The following DOCK10 variants were observed in gnomAD, a reference collection of about 807,000 sequenced individuals.
The protein encoded by DOCK10 is dedicator of cytokinesis protein 10.
DOCK10 carries 145 observed loss-of-function variants against 280.1 expected under a neutral mutation model. The ratio of observed to expected loss-of-function variants is 0.52; its 90% CI spans 0.45 to 0.59. The LOEUF is 0.59. Among genes scored for constraint, DOCK10 ranks in the 20% least tolerant of loss-of-function variants. The pLI is 0.00. For synonymous variants in DOCK10, 915 were observed against 942.2 expected, an observed-to-expected ratio of 0.97 and a Z score of 0.53; for missense variants, 2,368 against 2,651.7, an observed-to-expected ratio of 0.89 and a Z score of 2.35.
intron 1 of DOCK10, among the ~76,000 whole-genome samples, chr2:225,037,269 A>C (rs1245066557): frequency 6.6e-6 from 1 of 152,178 alleles, no homozygotes; most frequent in Non-Finnish European, 1.5e-5. Context: ...TTGAAATTCC[A>C]GTTGCCTTGG....
At chr2:224,968,825 T>C (rs1277940930) in intron 1 of DOCK10, among the ~76,000 whole-genome samples, 2 of 152,242 alleles carry the variant, frequency 1.3e-5, no homozygotes, top group Non-Finnish European at 2.9e-5. Flanking sequence ...AGTGCATCTA[T>C]GGATATGAAT....
intron 11 of DOCK10, among the ~76,000 whole-genome samples, chr2:224,866,337 G>A (rs1332507189): frequency 6.6e-6 from 1 of 152,168 alleles, no homozygotes; most frequent in African/African-American, 2.4e-5. Flanking sequence ...TTCAGGTCAT[G>A]CTTTTATGGC....
intron 44 of DOCK10, 140 bp downstream of exon 44, chr2:224,796,176 G>T: frequency 1.6e-6 from 1 of 615,334 alleles, no homozygotes; most frequent in South Asian, 2.0e-5. Context: ...CGATCCTCCT[G>T]CCTTGGCTTC....
intron 1 of DOCK10, among the ~76,000 whole-genome samples, chr2:224,944,833 C>T (rs577560072): frequency 4.6e-5 from 7 of 152,338 alleles, no homozygotes; most frequent in Admixed American, 3.9e-4. Flanking sequence ...AACTGTAGCA[C>T]GGACATCCCC....
intron 1 of DOCK10, among the ~76,000 whole-genome samples, chr2:224,962,327 G>A (rs1052965384): frequency 1.3e-5 from 2 of 152,190 alleles, no homozygotes; most frequent in African/African-American, 4.8e-5. Context: ...GCACAATAGA[G>A]TGAGGCATGA....
intron 50 of DOCK10, among the ~76,000 whole-genome samples, chr2:224,782,417 T>A (rs946866158): frequency 1.3e-5 from 2 of 152,196 alleles, no homozygotes; most frequent in African/African-American, 4.8e-5. Flanking sequence ...CTTGCTTTCA[T>A]GTTAAATACC....
chr2:224,878,852 C>G (rs960816032), intron 7 of DOCK10, among the ~76,000 whole-genome samples: 5 of 152,138 alleles, frequency 3.3e-5, no homozygotes, highest in African/African-American at 1.2e-4. Flanking sequence ...AAGGGCAGAA[C>G]CTAAATTTGT....
chr2:224,953,625 G>A (rs1271409287), intron 1 of DOCK10, among the ~76,000 whole-genome samples: 1 of 152,134 alleles, frequency 6.6e-6, no homozygotes, highest in African/African-American at 2.4e-5. Context: ...AAATGAACAC[G>A]ACAAAACCTC....
chr2:224,951,190 T>A (rs1366792226), intron 1 of DOCK10, among the ~76,000 whole-genome samples: 1 of 152,212 alleles, frequency 6.6e-6, no homozygotes, highest in African/African-American at 2.4e-5. Context: ...AGTTTATAGC[T>A]TATAGGGTTG....
At chr2:224,974,812 TA>T (rs1559903789) in intron 1 of DOCK10, among the ~76,000 whole-genome samples, 6 of 129,378 alleles carry the variant, frequency 4.6e-5, no homozygotes, top group Non-Finnish European at 1.0e-4. Flanking sequence ...ATATATATTA[TA>T]TATATAATAT....
intron 1 of DOCK10, among the ~76,000 whole-genome samples, chr2:224,953,673 CTG>C (rs1703885236): frequency 6.6e-6 from 1 of 152,144 alleles, no homozygotes; most frequent in Admixed American, 6.5e-5. Context: ...TGGACAATGT[CTG>C]TGAAATATAG....
chr2:225,033,073 C>T (rs1269324875), intron 1 of DOCK10, among the ~76,000 whole-genome samples: 7 of 152,104 alleles, frequency 4.6e-5, no homozygotes, highest in African/African-American at 9.7e-5. Context: ...TAAAGAGCTG[C>T]CTAGCTTCCC....
At chr2:224,857,066 C>A in intron 14 of DOCK10, 84 bp from the exon 15 acceptor site, 1 of 1,147,380 alleles carries the variant, frequency 8.7e-7, no homozygotes, top group African/African-American at 1.6e-5. Flanking sequence ...AATTAAACTT[C>A]TCATTTATAA....
At chr2:224,906,916 A>C (rs1700682038) in intron 3 of DOCK10, among the ~76,000 whole-genome samples, 1 of 152,236 alleles carries the variant, frequency 6.6e-6, no homozygotes, top group South Asian at 2.1e-4. Context: ...GGTTAAGCCC[A>C]TGTTGGATAA....
chr2:224,980,459 G>C (rs927897992), intron 1 of DOCK10, among the ~76,000 whole-genome samples: 15 of 152,198 alleles, frequency 9.9e-5, no homozygotes, highest in African/African-American at 3.6e-4. Flanking sequence ...TTTGCAACTT[G>C]GGGTAGGGAC....
intron 1 of DOCK10, among the ~76,000 whole-genome samples, chr2:224,992,703 T>G (rs1440104261): frequency 6.6e-6 from 1 of 152,236 alleles, no homozygotes. Context: ...TTCCTTCTTG[T>G]GTGAAGAGGT....
In DOCK10 at chr2:224,775,490, T is replaced by TTA. The variant is rs752108915; in HGVS notation, c.5803-376_5803-375insTA. Among the ~76,000 whole-genome samples the TTA allele has an allele frequency of 2.3e-3, 273 of 120,766 alleles. 1 individual carries two copies. Among genetic ancestry groups the TTA allele is most frequent in the Non-Finnish European group, 3.9e-3 (217 of 55,170 alleles). 79.2% of individuals were successfully genotyped at this position (120,766 alleles called of 152,430 possible). A position where few individuals can be genotyped will look rare whatever the true frequency, so the allele number is the denominator to read the frequency against. ...TTTTATTTATATTATTATTATTATT[T>TTA]TTTGAGACAGGGTCTTGCTCTGTCT... On this transcript the variant is annotated intron_variant, in intron 51 of 55. Coordinates refer to ENST00000258390, the MANE Select transcript of DOCK10 (RefSeq NM_014689.3).
intron 48 of DOCK10, 35 bp downstream of exon 48, chr2:224,789,029 C>T: frequency 1.4e-6 from 2 of 1,384,126 alleles, no homozygotes; most frequent in Non-Finnish European, 2.0e-6. Flanking sequence ...CATCTCTTTC[C>T]TTCGTTACTG....
At chr2:224,844,081 T>C (rs1574923975) in intron 22 of DOCK10, among the ~76,000 whole-genome samples, 2 of 152,130 alleles carry the variant, frequency 1.3e-5, no homozygotes, top group Admixed American at 6.5e-5. Flanking sequence ...TGGGAAGGCA[T>C]TGGGGATTGG....
Sources: gnomAD v4.1 joint callset for allele counts (sites outside exome capture counted in the v4.1 genomes callset) on GRCh38, gnomAD v4.1.1 for gene constraint, MANE v1.5 for transcripts, NCBI Gene and HGNC (gene_info 2026-07-23, HGNC 2026-07-21) for gene names.